Variants in ADGRB3 observed in about 807,000 individuals in gnomAD.
ADGRB3 encodes brain-specific angiogenesis inhibitor 3.
Under a neutral mutation model 193.4 loss-of-function variants are expected in ADGRB3, and 37 were observed. The ratio of observed to expected loss-of-function variants is 0.19; its 90% CI spans 0.15 to 0.25. The LOEUF (loss-of-function observed/expected upper bound fraction) is 0.25. ADGRB3 is among the 10% of genes least tolerant of loss of function. The pLI, the probability that ADGRB3 is intolerant of heterozygous loss-of-function variation, is 1.00. For synonymous variants in ADGRB3, 690 were observed against 644.2 expected, an observed-to-expected ratio of 1.07 and a Z score of -1.08; for missense variants, 1,637 against 1,852.9, an observed-to-expected ratio of 0.88 and a Z score of 2.14.
intron 3 of ADGRB3, among the ~76,000 whole-genome samples, chr6:68,821,893 G>A (rs541423564): frequency 2.9e-4 from 44 of 151,956 alleles, no homozygotes; most frequent in African/African-American, 9.2e-4. Flanking sequence ...CATAGTATGC[G>A]TTTGACACTG....
chr6:69,134,821 A>G (rs1424183439), intron 17 of ADGRB3, among the ~76,000 whole-genome samples: 4 of 152,040 alleles, frequency 2.6e-5, no homozygotes, highest in Non-Finnish European at 5.9e-5. Flanking sequence ...ATACATGAAT[A>G]AAGGGAAATA....
intron 4 of ADGRB3, among the ~76,000 whole-genome samples, chr6:68,931,204 T>C (rs1932611): frequency 0.77 from 116,356 of 151,684 alleles, 46,089 homozygotes; most frequent in Non-Finnish European, 0.88. Flanking sequence ...AAGTGTTAAG[T>C]AAGGTGTAAC....
At chr6:68,776,953 G>A (rs538820730) in intron 3 of ADGRB3, among the ~76,000 whole-genome samples, 14 of 152,080 alleles carry the variant, frequency 9.2e-5, no homozygotes, top group African/African-American at 1.9e-4. Flanking sequence ...AAATTTTTAC[G>A]TGGTCTTTGG....
intron 29 of ADGRB3, among the ~76,000 whole-genome samples, chr6:69,372,201 G>A (rs1016409868): frequency 6.6e-6 from 1 of 151,844 alleles, no homozygotes; most frequent in Admixed American, 6.6e-5. Flanking sequence ...AGTTCAAAGT[G>A]AAAATAGAAA....
chr6:68,638,610 C>G (rs1453941085), intron 2 of ADGRB3, 51 bp from the exon 3 acceptor site: 4 of 1,480,772 alleles, frequency 2.7e-6, no homozygotes, highest in South Asian at 1.4e-5. Context: ...TTTATTTTCT[C>G]AATGCACGTA....
rs1192523033 is a variant in ADGRB3, at chr6:68,965,828, G to A, written c.1526-8935G>A. On this transcript the variant is annotated intron_variant, in intron 8 of 31. Transcript: ENST00000370598. ...GAATCCTTCCTATTGCTGCACAATC[G>A]TATGCTTTTATGTTCAGTCTAGAGA... Among the ~76,000 whole-genome samples the A allele has an allele frequency of 2.0e-5, 3 of 152,206 alleles. No homozygotes were observed. In the South Asian group the frequency reaches 6.2e-4, roughly 32 times the overall value.
intron 3 of ADGRB3, among the ~76,000 whole-genome samples, chr6:68,766,606 A>T (rs1766511553): frequency 6.6e-6 from 1 of 151,968 alleles, no homozygotes; most frequent in East Asian, 1.9e-4. Context: ...TATTTACTTG[A>T]TTTATGTTTT....
chr6:68,899,537 T>G lies in ADGRB3; in HGVS notation c.758-31022T>G, dbSNP rs982590302. Among the ~76,000 whole-genome samples the G allele has an allele frequency of 2.0e-5, 3 of 149,576 alleles. No homozygotes were observed. In the East Asian group the frequency reaches 6.0e-4, roughly 30 times the overall value. ...GTTCCCACCTATGAGTGAGAATATG[T>G]GGTGTTTGGTTTTTTGTTCTTGTGA... On this transcript the variant is annotated intron_variant, in intron 3 of 31. Coordinates refer to ENST00000370598, the MANE Select transcript of ADGRB3 (RefSeq NM_001704.3).
chr6:68,687,592 A>G (rs1765006015), intron 3 of ADGRB3, among the ~76,000 whole-genome samples: 1 of 152,126 alleles, frequency 6.6e-6, no homozygotes, highest in African/African-American at 2.4e-5. Flanking sequence ...ACTTGTTTCT[A>G]TTGCCTTACA....
At chr6:68,654,566 C>T (rs1768448162) in intron 3 of ADGRB3, among the ~76,000 whole-genome samples, 1 of 151,664 alleles carries the variant, frequency 6.6e-6, no homozygotes, top group African/African-American at 2.4e-5. Flanking sequence ...TAGTTCCCAC[C>T]TTTGTATATC....
At chr6:69,343,362 G>C (rs1030131714) in intron 26 of ADGRB3, among the ~76,000 whole-genome samples, 11 of 119,196 alleles carry the variant, frequency 9.2e-5, no homozygotes, top group African/African-American at 3.6e-4. Context: ...AGTCCCCAGA[G>C]TGTGATATTC....
At chr6:69,002,540 G>A (rs1310787686) in intron 11 of ADGRB3, among the ~76,000 whole-genome samples, 1 of 152,072 alleles carries the variant, frequency 6.6e-6, no homozygotes, top group Non-Finnish European at 1.5e-5. Context: ...TAAAACACTT[G>A]ATGAGCAAGC....
chr6:69,357,900 C>G (rs1042117692), intron 28 of ADGRB3, among the ~76,000 whole-genome samples: 2 of 151,930 alleles, frequency 1.3e-5, no homozygotes, highest in Non-Finnish European at 2.9e-5. Flanking sequence ...AATATTGTCA[C>G]TGTGCTCCAT....
At chr6:69,317,025 A>C in intron 20 of ADGRB3, among the ~76,000 whole-genome samples, 1 of 151,584 alleles carries the variant, frequency 6.6e-6, no homozygotes. Flanking sequence ...AATAGTGGTT[A>C]TCTTTGGGAA....
At chr6:69,294,584 C>T (rs546568341) in intron 20 of ADGRB3, among the ~76,000 whole-genome samples, 64 of 152,176 alleles carry the variant, frequency 4.2e-4, no homozygotes, top group Non-Finnish European at 6.5e-4. Flanking sequence ...ATCTTTTTCA[C>T]GTGTCATTCT....
chr6:69,296,867 T>C (rs917588316), intron 20 of ADGRB3, among the ~76,000 whole-genome samples: 4 of 152,088 alleles, frequency 2.6e-5, no homozygotes, highest in Admixed American at 1.3e-4. Context: ...ATACTAGGAT[T>C]GAGACTGATC....
chr6:68,877,310 A>C (rs558672193), intron 3 of ADGRB3, among the ~76,000 whole-genome samples: 1 of 152,198 alleles, frequency 6.6e-6, no homozygotes, highest in East Asian at 1.9e-4. Flanking sequence ...ATTTGAGAAC[A>C]GTTATAGATA....
chr6:69,037,825 G>A (rs940628359), intron 13 of ADGRB3, among the ~76,000 whole-genome samples: 5 of 151,894 alleles, frequency 3.3e-5, no homozygotes, highest in African/African-American at 9.7e-5. Context: ...TTTAGGTGTC[G>A]GCACAAATGT....
chr6:69,164,869 A>G (rs1366648264), intron 17 of ADGRB3, among the ~76,000 whole-genome samples: 1 of 152,026 alleles, frequency 6.6e-6, no homozygotes, highest in Non-Finnish European at 1.5e-5. Context: ...AGGGCTTTCT[A>G]TTCTTGGCAG....
Sources: gnomAD v4.1 joint callset for allele counts (sites outside exome capture counted in the v4.1 genomes callset) on GRCh38, gnomAD v4.1.1 for gene constraint, MANE v1.5 for transcripts, NCBI Gene and HGNC (gene_info 2026-07-23, HGNC 2026-07-21) for gene names.